CTNNA3: variants seen among roughly 807,000 people sequenced by gnomAD.
CTNNA3 encodes catenin alpha 3.
In CTNNA3, 76 loss-of-function variants were observed where a neutral mutation model predicts 95.7. That is an observed-to-expected ratio of 0.79 (90% CI 0.66 to 0.96). The LOEUF is 0.96. Ranked by LOEUF, CTNNA3 falls within the 40% of genes least tolerant of loss-of-function variation. The pLI, the probability that CTNNA3 is intolerant of heterozygous loss-of-function variation, is 0.00. For synonymous variants in CTNNA3, 431 were observed against 374.4 expected, an observed-to-expected ratio of 1.15 and a Z score of -1.74; for missense variants, 1,191 against 1,089.8, an observed-to-expected ratio of 1.09 and a Z score of -1.31.
intron 12 of CTNNA3, among the ~76,000 whole-genome samples, chr10:66,375,958 T>C (rs1589158553): frequency 1.3e-5 from 2 of 152,276 alleles, no homozygotes; most frequent in East Asian, 3.9e-4. Context: ...TCACTGCCAG[T>C]TGCCAACAGT....
chr10:66,923,236 C>A (rs1846883046), intron 7 of CTNNA3, among the ~76,000 whole-genome samples: 1 of 152,138 alleles, frequency 6.6e-6, no homozygotes, highest in Admixed American at 6.5e-5. Context: ...ATAATATTCA[C>A]CGTAAATAAT....
At chr10:66,657,551 T>C (rs1337258797) in intron 9 of CTNNA3, among the ~76,000 whole-genome samples, 1 of 152,176 alleles carries the variant, frequency 6.6e-6, no homozygotes, top group Non-Finnish European at 1.5e-5. Flanking sequence ...CAGGCACTTC[T>C]CTCCTTGATT....
At chr10:67,432,316 T>C (rs938442916) in intron 5 of CTNNA3, among the ~76,000 whole-genome samples, 1 of 152,026 alleles carries the variant, frequency 6.6e-6, no homozygotes, top group African/African-American at 2.4e-5. Flanking sequence ...GCTAAAAAAC[T>C]TTAGTACCTA....
chr10:67,259,213 G>C (rs1818252373), intron 5 of CTNNA3, among the ~76,000 whole-genome samples: 1 of 152,040 alleles, frequency 6.6e-6, no homozygotes, highest in African/African-American at 2.4e-5. Flanking sequence ...CAAGTTCCCA[G>C]TCTGCAGAAC....
intron 16 of CTNNA3, among the ~76,000 whole-genome samples, chr10:65,972,883 T>C (rs1243763323): frequency 1.6e-5 from 2 of 127,316 alleles, no homozygotes; most frequent in African/African-American, 5.9e-5. Context: ...ATATCTTGAA[T>C]AGACAAGCAA....
intron 3 of CTNNA3, among the ~76,000 whole-genome samples, chr10:67,570,748 C>G (rs1482747132): frequency 6.6e-6 from 1 of 152,142 alleles, no homozygotes; most frequent in Non-Finnish European, 1.5e-5. Context: ...ATTATTTTCT[C>G]TTTTTGAAAT....
intron 10 of CTNNA3, among the ~76,000 whole-genome samples, chr10:66,583,705 C>T (rs1415892731): frequency 2.0e-5 from 3 of 150,784 alleles, no homozygotes; most frequent in African/African-American, 4.9e-5. Flanking sequence ...TTTATTATTC[C>T]TTTTCTTCTG....
At chr10:65,951,232 G>GAGA (rs769852809) in intron 17 of CTNNA3, among the ~76,000 whole-genome samples, 4 of 152,182 alleles carry the variant, frequency 2.6e-5, no homozygotes, top group African/African-American at 4.8e-5. Context: ...AGTTGGTACT[G>GAGA]AGAAGAGTAA....
chr10:67,581,153 G>A (rs527590752), intron 3 of CTNNA3, among the ~76,000 whole-genome samples: 2 of 152,288 alleles, frequency 1.3e-5, no homozygotes, highest in South Asian at 4.1e-4. Flanking sequence ...CAAAGGGAAT[G>A]CTTCCGGTTT....
chr10:67,743,814 C>G (rs561660166), intron 1 of CTNNA3, among the ~76,000 whole-genome samples: 2 of 151,266 alleles, frequency 1.3e-5, no homozygotes, highest in African/African-American at 4.8e-5. Context: ...TCTCAGGATA[C>G]AAAATCAATG....
At chr10:67,640,661 C>A (rs1365539531) in intron 2 of CTNNA3, among the ~76,000 whole-genome samples, 3 of 151,936 alleles carry the variant, frequency 2.0e-5, no homozygotes, top group East Asian at 1.9e-4. Flanking sequence ...ACAGAGATAT[C>A]GACCAATGGA....
chr10:66,018,737 T>C (rs2079142976), intron 15 of CTNNA3, among the ~76,000 whole-genome samples: 1 of 152,088 alleles, frequency 6.6e-6, no homozygotes, highest in Admixed American at 6.5e-5. Flanking sequence ...ATCTGTAAAA[T>C]GAGAGGGTGG....
intron 5 of CTNNA3, among the ~76,000 whole-genome samples, chr10:67,251,833 C>G (rs1391350120): frequency 6.6e-6 from 1 of 152,102 alleles, no homozygotes; most frequent in Admixed American, 6.5e-5. Context: ...GCAGTATTAA[C>G]GTAAACACAG....
At chr10:66,773,210 T>C (rs1419547566) in intron 8 of CTNNA3, among the ~76,000 whole-genome samples, 1 of 152,188 alleles carries the variant, frequency 6.6e-6, no homozygotes, top group Non-Finnish European at 1.5e-5. Flanking sequence ...AGACAGCTTC[T>C]AACAATTCCA....
intron 2 of CTNNA3, among the ~76,000 whole-genome samples, chr10:67,609,629 A>T (rs1470672301): frequency 1.3e-5 from 2 of 152,218 alleles, no homozygotes; most frequent in Non-Finnish European, 2.9e-5. Flanking sequence ...TCTCTTAGAA[A>T]ATAAAAACAA....
In CTNNA3 at chr10:67,329,727, A is replaced by G. The variant is rs1487858673; in HGVS notation, c.580-109857T>C. 1.2e-4 allele frequency among the ~76,000 whole-genome samples: 18 copies of G among 152,342 alleles called. No homozygotes were observed. In the East Asian group the frequency reaches 3.5e-3, roughly 29 times the overall value. Reference sequence around the variant, plus strand: ...TGCACAAATAGTGAAGCTACTTACAATCCACATTGTTAAGTAGGTATGAAA... The same window carrying G: ...TGCACAAATAGTGAAGCTACTTACAGTCCACATTGTTAAGTAGGTATGAAA... On this transcript the variant is annotated intron_variant, in intron 5 of 17. Transcript: ENST00000433211.
At chr10:66,733,713 A>C (rs1268978694) in intron 9 of CTNNA3, among the ~76,000 whole-genome samples, 1 of 151,722 alleles carries the variant, frequency 6.6e-6, no homozygotes, top group African/African-American at 2.4e-5. Context: ...AAATGATTAC[A>C]TGCCTAAGAT....
chr10:66,133,015 T>C (rs1376957836), intron 13 of CTNNA3, among the ~76,000 whole-genome samples: 1 of 152,060 alleles, frequency 6.6e-6, no homozygotes, highest in East Asian at 1.9e-4. Context: ...GGTTTACCTA[T>C]ATAACAACCT....
chr10:66,295,189 C>T (rs1231093458), intron 12 of CTNNA3, among the ~76,000 whole-genome samples: 1 of 152,004 alleles, frequency 6.6e-6, no homozygotes, highest in Non-Finnish European at 1.5e-5. Context: ...TATTTATTGA[C>T]ATTATTATTA....
Sources: allele counts gnomAD v4.1 joint callset (sites outside exome capture counted in the v4.1 genomes callset), GRCh38; gene constraint gnomAD v4.1.1; transcripts MANE v1.5; gene names NCBI Gene and HGNC (gene_info 2026-07-23, HGNC 2026-07-21).